Variants in PCDH7 observed in about 807,000 individuals in gnomAD.
PCDH7 encodes the protein protocadherin-7.
Under a neutral mutation model 58.9 loss-of-function variants are expected in PCDH7, and 17 were observed. The ratio of observed to expected loss-of-function variants is 0.29; its 90% CI spans 0.20 to 0.43. The LOEUF is 0.43. Ranked by LOEUF, PCDH7 falls within the 20% of genes least tolerant of loss-of-function variation. The probability of loss-of-function intolerance (pLI) is 1.00; values close to 1 mark genes in which losing one functional copy is unlikely to be tolerated. For missense variants in PCDH7, 1,274 were observed against 1,441.0 expected, an observed-to-expected ratio of 0.88 and a Z score of 1.88; for synonymous variants, 664 against 616.4, an observed-to-expected ratio of 1.08 and a Z score of -1.14.
chr4:30,986,546 C>T (rs2109117314), intron 3 of PCDH7, among the ~76,000 whole-genome samples: 1 of 151,680 alleles, frequency 6.6e-6, no homozygotes. Flanking sequence ...CTGGTTTCAC[C>T]TCCTCCCACC....
chr4:31,106,259 T>G (rs1715562148), intron 3 of PCDH7, among the ~76,000 whole-genome samples: 1 of 152,264 alleles, frequency 6.6e-6, no homozygotes, highest in South Asian at 2.1e-4. Flanking sequence ...AGGAAGAGGC[T>G]TTCTTGAGGT....
At chr4:30,982,332 G>A (rs1750641229) in intron 3 of PCDH7, among the ~76,000 whole-genome samples, 1 of 152,176 alleles carries the variant, frequency 6.6e-6, no homozygotes, top group Admixed American at 6.5e-5. Flanking sequence ...TCCTTGAGGA[G>A]TCTTCACAAG....
chr4:30,772,811 T>A (rs909088462), intron 1 of PCDH7, among the ~76,000 whole-genome samples: 2 of 152,232 alleles, frequency 1.3e-5, no homozygotes, highest in African/African-American at 4.8e-5. Flanking sequence ...GTGCTGTAAG[T>A]TTTTAGAAAG....
At chr4:30,752,443 G>T (rs181785297) in intron 1 of PCDH7, among the ~76,000 whole-genome samples, 184 of 152,304 alleles carry the variant, frequency 1.2e-3, no homozygotes, top group Non-Finnish European at 2.1e-3. Context: ...GAGTGAGGAA[G>T]TAGTGACAGC....
intron 3 of PCDH7, among the ~76,000 whole-genome samples, chr4:31,135,749 A>G (rs1228534052): frequency 6.6e-6 from 1 of 152,210 alleles, no homozygotes; most frequent in African/African-American, 2.4e-5. Context: ...ATAGTAAAAC[A>G]TATGAATATT....
intron 1 of PCDH7, among the ~76,000 whole-genome samples, chr4:30,835,187 G>A (rs1361811316): frequency 6.6e-6 from 1 of 152,070 alleles, no homozygotes; most frequent in Non-Finnish European, 1.5e-5. Context: ...ATTCCCGGGA[G>A]CGCAGAGTCA....
intron 3 of PCDH7, among the ~76,000 whole-genome samples, chr4:31,099,040 C>A (rs554266711): frequency 1.1e-3 from 167 of 152,286 alleles, no homozygotes; most frequent in Non-Finnish European, 2.1e-3. Flanking sequence ...TTAATCACCT[C>A]CTTAAAGGCC....
chr4:31,035,949 A>G (rs1755374315), intron 3 of PCDH7, among the ~76,000 whole-genome samples: 1 of 152,176 alleles, frequency 6.6e-6, no homozygotes, highest in Non-Finnish European at 1.5e-5. Flanking sequence ...AAGACCTGTA[A>G]GTGGACTTTC....
intron 3 of PCDH7, among the ~76,000 whole-genome samples, chr4:30,951,548 G>T (rs1308724595): frequency 6.6e-6 from 1 of 152,098 alleles, no homozygotes; most frequent in Non-Finnish European, 1.5e-5. Context: ...TCTTCGCACG[G>T]TTAGGTCCCT....
chr4:31,063,234 T>C (rs184642872), intron 3 of PCDH7, among the ~76,000 whole-genome samples: 73 of 151,974 alleles, frequency 4.8e-4, no homozygotes, highest in African/African-American at 1.7e-3. Context: ...AGAAAATATA[T>C]GAATGCCCTT....
chr4:30,891,045 T>C (rs1215151743), intron 1 of PCDH7, among the ~76,000 whole-genome samples: 1 of 152,140 alleles, frequency 6.6e-6, no homozygotes, highest in Non-Finnish European at 1.5e-5. Flanking sequence ...TACCAGTTTA[T>C]GGTTTGTACA....
chr4:30,794,843 G>A (rs1024660820), intron 1 of PCDH7, among the ~76,000 whole-genome samples: 3 of 152,104 alleles, frequency 2.0e-5, no homozygotes, highest in African/African-American at 7.2e-5. Flanking sequence ...ACACAAAGAT[G>A]TGTTACCTAC....
chr4:30,739,748 G>A (rs1716825401), intron 1 of PCDH7, among the ~76,000 whole-genome samples: 1 of 152,254 alleles, frequency 6.6e-6, no homozygotes, highest in Middle Eastern at 3.4e-3. Context: ...ACAGAAAGAG[G>A]TAATGCGGTT....
At chr4:30,938,088 T>C (rs1745571468) in intron 2 of PCDH7, among the ~76,000 whole-genome samples, 1 of 151,982 alleles carries the variant, frequency 6.6e-6, no homozygotes, top group Admixed American at 6.6e-5. Context: ...CTTGTAGCAA[T>C]AGGGGAAAAA....
At chr4:30,798,040 A>G (rs1445170913) in intron 1 of PCDH7, among the ~76,000 whole-genome samples, 1 of 152,216 alleles carries the variant, frequency 6.6e-6, no homozygotes, top group Non-Finnish European at 1.5e-5. Context: ...GTTGTTACCA[A>G]GATAAATGTG....
intron 3 of PCDH7, among the ~76,000 whole-genome samples, chr4:31,017,907 A>G (rs555488947): frequency 2.0e-5 from 3 of 152,246 alleles, no homozygotes; most frequent in Admixed American, 2.0e-4. Context: ...CTGAAAACTA[A>G]TATAATGATA....
At chr4:30,935,436 T>TC (rs1745229572) in intron 2 of PCDH7, 1 of 284,944 alleles carries the variant, frequency 3.5e-6, no homozygotes, top group Admixed American at 6.5e-5. Context: ...ATGAACAAGT[T>TC]CCAGTATTTA....
intron 2 of PCDH7, among the ~76,000 whole-genome samples, chr4:30,931,395 G>A (rs977576037): frequency 5.3e-5 from 8 of 152,076 alleles, no homozygotes; most frequent in Non-Finnish European, 1.0e-4. Flanking sequence ...GACCAACATG[G>A]AGAAACCCTG....
intron 1 of PCDH7, chr4:30,783,033 T>A (rs914211652): frequency 6.6e-6 from 1 of 152,176 alleles, no homozygotes; most frequent in Non-Finnish European, 1.5e-5. Flanking sequence ...TAATAATTAT[T>A]GTCATTTATG....
Sources: allele counts gnomAD v4.1 joint callset (sites outside exome capture counted in the v4.1 genomes callset), GRCh38; gene constraint gnomAD v4.1.1; transcripts MANE v1.5; gene names NCBI Gene and HGNC (gene_info 2026-07-23, HGNC 2026-07-21).